MACROD2: variants seen among roughly 807,000 people sequenced by gnomAD.
MACROD2 encodes ADP-ribose glycohydrolase MACROD2.
In MACROD2, 36 loss-of-function variants were observed where a neutral mutation model predicts 70.4. The ratio of observed to expected loss-of-function variants is 0.51; its 90% CI spans 0.39 to 0.68. The LOEUF (loss-of-function observed/expected upper bound fraction) is 0.68, where lower values mean the gene tolerates loss of function less well. MACROD2 is among the 30% of genes least tolerant of loss of function. The probability of loss-of-function intolerance (pLI) is 0.00; values close to 1 mark genes in which losing one functional copy is unlikely to be tolerated. For missense variants in MACROD2, 496 were observed against 538.4 expected, an observed-to-expected ratio of 0.92 and a Z score of 0.78; for synonymous variants, 172 against 178.8, an observed-to-expected ratio of 0.96 and a Z score of 0.30.
At chr20:16,010,143 A>T (rs536370152) in intron 15 of MACROD2, among the ~76,000 whole-genome samples, 5 of 152,324 alleles carry the variant, frequency 3.3e-5, no homozygotes, top group African/African-American at 1.2e-4. Context: ...TTATTACGAA[A>T]ATCACACTTC....
At chr20:14,035,657 G>T (rs1418522277) in intron 2 of MACROD2, among the ~76,000 whole-genome samples, 3 of 152,112 alleles carry the variant, frequency 2.0e-5, no homozygotes, top group Non-Finnish European at 4.4e-5. Flanking sequence ...AAAATTTTTT[G>T]TTCTGAATTT....
chr20:14,578,338 A>C (rs1444821422), intron 4 of MACROD2, among the ~76,000 whole-genome samples: 1 of 152,086 alleles, frequency 6.6e-6, no homozygotes, highest in Admixed American at 6.6e-5. Context: ...TTATTATTAC[A>C]GGCGATATAC....
At chr20:15,296,106 C>A (rs2077585719) in intron 6 of MACROD2, among the ~76,000 whole-genome samples, 1 of 152,196 alleles carries the variant, frequency 6.6e-6, no homozygotes, top group African/African-American at 2.4e-5. Flanking sequence ...TTACCTACAA[C>A]TGTCTTGGTA....
intron 8 of MACROD2, among the ~76,000 whole-genome samples, chr20:15,587,000 T>C (rs1488556941): frequency 2.0e-5 from 3 of 152,222 alleles, no homozygotes; most frequent in Non-Finnish European, 2.9e-5. Context: ...CATGTTGCTT[T>C]CCTTTAAATA....
intron 5 of MACROD2, among the ~76,000 whole-genome samples, chr20:14,846,363 A>G (rs578245517): frequency 1.2e-4 from 18 of 152,180 alleles, no homozygotes; most frequent in African/African-American, 4.3e-4. Flanking sequence ...AGCTGGAGTT[A>G]CAGGCGCACG....
intron 6 of MACROD2, among the ~76,000 whole-genome samples, chr20:15,382,186 A>T (rs1600326396): frequency 6.6e-6 from 1 of 152,260 alleles, no homozygotes; most frequent in East Asian, 1.9e-4. Context: ...AGAAAAAAAG[A>T]TTAAAAACAG....
chr20:15,543,025 A>G (rs1361820505), intron 8 of MACROD2, among the ~76,000 whole-genome samples: 1 of 152,224 alleles, frequency 6.6e-6, no homozygotes, highest in African/African-American at 2.4e-5. Context: ...GCAGCAAATT[A>G]TGATAAAAAG....
At chr20:15,295,615 AC>A (rs2077579366) in intron 6 of MACROD2, among the ~76,000 whole-genome samples, 2 of 148,480 alleles carry the variant, frequency 1.3e-5, no homozygotes, top group Non-Finnish European at 3.0e-5. Flanking sequence ...ACACACACAC[AC>A]ACACACACAC....
At chr20:14,551,862 G>A (rs1466812435) in intron 4 of MACROD2, among the ~76,000 whole-genome samples, 1 of 152,124 alleles carries the variant, frequency 6.6e-6, no homozygotes, top group Non-Finnish European at 1.5e-5. Flanking sequence ...AAAGTTGGCT[G>A]TAATTTTATA....
intron 5 of MACROD2, among the ~76,000 whole-genome samples, chr20:14,974,115 G>A (rs777793970): frequency 5.3e-4 from 80 of 152,326 alleles, no homozygotes; most frequent in Admixed American, 1.7e-3. Context: ...CAGTTGGAAA[G>A]GGTCAAGTGA....
intron 10 of MACROD2, among the ~76,000 whole-genome samples, chr20:15,897,866 G>A (rs746616070): frequency 5.7e-4 from 87 of 152,070 alleles, no homozygotes; most frequent in Non-Finnish European, 9.0e-4. Context: ...TTATTTCCTC[G>A]TGTATTTTGC....
At chr20:14,034,239 G>T (rs962894840) in intron 2 of MACROD2, among the ~76,000 whole-genome samples, 4 of 152,174 alleles carry the variant, frequency 2.6e-5, no homozygotes, top group Non-Finnish European at 5.9e-5. Flanking sequence ...CTCCCAAAGT[G>T]CTGGGATTAC....
intron 10 of MACROD2, among the ~76,000 whole-genome samples, chr20:15,912,296 C>A (rs1223939673): frequency 6.6e-6 from 1 of 152,204 alleles, no homozygotes; most frequent in East Asian, 1.9e-4. Flanking sequence ...TGTCCAATTT[C>A]CTTATCTACT....
At chr20:14,431,303 G>A (rs1008509233) in intron 3 of MACROD2, among the ~76,000 whole-genome samples, 8 of 152,234 alleles carry the variant, frequency 5.3e-5, no homozygotes, top group African/African-American at 1.7e-4. Context: ...AGTGGCAGAG[G>A]TGGGATGGAA....
chr20:15,848,355 A>C (rs1472509713), intron 8 of MACROD2, among the ~76,000 whole-genome samples: 1 of 151,856 alleles, frequency 6.6e-6, no homozygotes, highest in Non-Finnish European at 1.5e-5. Flanking sequence ...GTCACTGTAC[A>C]AGCCAGGGGG....
At chr20:14,489,653 A>T (rs2084771798) in intron 3 of MACROD2, among the ~76,000 whole-genome samples, 1 of 152,144 alleles carries the variant, frequency 6.6e-6, no homozygotes, top group Non-Finnish European at 1.5e-5. Context: ...TTAGGATGAA[A>T]ACAAGTATAA....
At chr20:15,122,271 A>G (rs1044458698) in intron 5 of MACROD2, among the ~76,000 whole-genome samples, 1 of 151,994 alleles carries the variant, frequency 6.6e-6, no homozygotes, top group African/African-American at 2.4e-5. Flanking sequence ...TATCATCTGG[A>G]TGTATTGCTA....
At chr20:14,648,637 T>A (rs1188263558) in intron 4 of MACROD2, among the ~76,000 whole-genome samples, 2 of 151,674 alleles carry the variant, frequency 1.3e-5, no homozygotes, top group African/African-American at 4.9e-5. Context: ...TATATATATA[T>A]CTATCTATCT....
At chr20:15,215,062 G>A (rs2076797341) in intron 5 of MACROD2, among the ~76,000 whole-genome samples, 1 of 152,016 alleles carries the variant, frequency 6.6e-6, no homozygotes, top group Non-Finnish European at 1.5e-5. Context: ...CTTCAAAACT[G>A]AACTATAGTT....
Sources: gnomAD v4.1 joint callset for allele counts (sites outside exome capture counted in the v4.1 genomes callset) on GRCh38, gnomAD v4.1.1 for gene constraint, MANE v1.5 for transcripts, NCBI Gene and HGNC (gene_info 2026-07-23, HGNC 2026-07-21) for gene names.